Variants in PRSS12 observed in about 807,000 individuals in gnomAD.
PRSS12 encodes the protein serine protease 12.
Under a neutral mutation model 104.4 loss-of-function variants are expected in PRSS12, and 85 were observed. The observed-to-expected ratio is 0.81, with a 90% CI of 0.68 to 0.98. The LOEUF is 0.98. Ranked by LOEUF, PRSS12 falls within the 50% of genes least tolerant of loss-of-function variation. The pLI is 0.00. For missense variants in PRSS12, 1,141 were observed against 1,139.2 expected (o/e 1.00, Z -0.02); for synonymous variants, 454 against 425.2 (o/e 1.07, Z -0.83).
intron 4 of PRSS12, 139 bp downstream of exon 4, chr4:118,331,577 A>G: frequency 8.7e-7 from 1 of 1,154,158 alleles, no homozygotes; most frequent in Non-Finnish European, 1.3e-6. Context: ...GGAAGCCTAC[A>G]GCCCTACTAC....
At chr4:118,316,837 A>AAAAATATATATATAT (rs35698159) in intron 5 of PRSS12, among the ~76,000 whole-genome samples, 205 of 99,126 alleles carry the variant, frequency 2.1e-3, no homozygotes, top group Admixed American at 2.6e-3. Flanking sequence ...AAAAAAAAAA[A>AAAAATATATATATAT]ATATATATAT....
intron 1 of PRSS12, among the ~76,000 whole-genome samples, chr4:118,349,305 T>C (rs1413051977): frequency 6.6e-6 from 1 of 150,856 alleles, no homozygotes; most frequent in East Asian, 2.0e-4. Flanking sequence ...TTGGGAGGCT[T>C]AGGCAGGAGA....
intron 8 of PRSS12, among the ~76,000 whole-genome samples, chr4:118,301,554 A>G (rs540682800): frequency 2.0e-5 from 3 of 152,304 alleles, no homozygotes; most frequent in South Asian, 4.1e-4. Context: ...GATTTTTACT[A>G]GCATAGTATT....
chr4:118,316,837 A>AAAATATATAT (rs35698159), intron 5 of PRSS12, among the ~76,000 whole-genome samples: 90 of 99,170 alleles, frequency 9.1e-4, no homozygotes, highest in African/African-American at 1.9e-3. Flanking sequence ...AAAAAAAAAA[A>AAAATATATAT]ATATATATAT....
intron 12 of PRSS12, 69 bp from the exon 13 acceptor site, chr4:118,282,312 A>G: frequency 1.3e-6 from 2 of 1,571,422 alleles, no homozygotes; most frequent in South Asian, 1.1e-5. Flanking sequence ...GTTACTGAGC[A>G]TGTAATAGTT....
intron 4 of PRSS12, among the ~76,000 whole-genome samples, chr4:118,319,484 G>A (rs945821303): frequency 6.6e-6 from 1 of 152,128 alleles, no homozygotes; most frequent in African/African-American, 2.4e-5. Context: ...GGGCCATAGG[G>A]TCCCATACTA....
In PRSS12 at chr4:118,298,884, G is replaced by C; in HGVS notation, c.1686C>G (p.Ile562Met). The C allele has an allele frequency of 6.2e-7, 1 of 1,614,122 alleles. No homozygotes were observed. Among genetic ancestry groups the C allele is most frequent in the East Asian group, 2.2e-5 (1 of 44,868 alleles). ...MAYFGEGKGP[I>M]HVDNVKCTGN... ...CTGTGCACTTCACATTATCCACATG[G>C]ATGGGTCCTTTTCCTTCTCCAAAGT... is the stretch of plus-strand genomic sequence containing the variant. The change falls in exon 9 of 13, where the codon ATC becomes ATG. Residue 562 changes from isoleucine to methionine, a missense_variant. Transcript: ENST00000296498.
intron 10 of PRSS12, 121 bp from the exon 11 acceptor site, chr4:118,295,182 A>G: frequency 7.7e-7 from 1 of 1,300,622 alleles, no homozygotes; most frequent in Non-Finnish European, 1.1e-6. Flanking sequence ...AAGGAAAGCA[A>G]AAGGGACTCC....
At chr4:118,284,427 A>G (rs1177822243) in intron 11 of PRSS12, among the ~76,000 whole-genome samples, 3 of 152,144 alleles carry the variant, frequency 2.0e-5, no homozygotes, top group African/African-American at 7.2e-5. Flanking sequence ...CATTCTTAAG[A>G]CTTAATTTCC....
At chr4:118,339,273 T>C (rs1724139089) in intron 1 of PRSS12, among the ~76,000 whole-genome samples, 2 of 152,120 alleles carry the variant, frequency 1.3e-5, no homozygotes, top group African/African-American at 4.8e-5. Context: ...TAAAATCACC[T>C]ACAATGGCCT....
chr4:118,291,796 A>G lies in PRSS12; in HGVS notation c.2039+3143T>C, dbSNP rs72921312. ...GACTGAATTAATTTCATGGGCAACC[A>G]TATTGTATTGCTGAGTCTTATTAAA... On this transcript the variant is annotated intron_variant, in intron 11 of 12. Transcript: ENST00000296498. 8.1e-3 allele frequency among the ~76,000 whole-genome samples: 1,232 copies of G among 152,266 alleles called. 18 individuals carry two copies. The highest frequency in any genetic ancestry group is 0.028 in the African/African-American group (1,170 of 41,566).
chr4:118,309,291 T>C (rs1242285441), intron 7 of PRSS12, among the ~76,000 whole-genome samples: 2 of 152,208 alleles, frequency 1.3e-5, no homozygotes, highest in African/African-American at 4.8e-5. Flanking sequence ...CCAATAATTA[T>C]GATTTTGAAT....
chr4:118,290,293 C>T (rs1173281154), intron 11 of PRSS12, among the ~76,000 whole-genome samples: 1 of 152,168 alleles, frequency 6.6e-6, no homozygotes, highest in Non-Finnish European at 1.5e-5. Flanking sequence ...TCAAGTGCAA[C>T]TTTTGAGCAA....
At chr4:118,299,409 G>A (rs1170299381) in intron 8 of PRSS12, among the ~76,000 whole-genome samples, 3 of 152,130 alleles carry the variant, frequency 2.0e-5, no homozygotes, top group South Asian at 2.1e-4. Context: ...GGCCGGGCAC[G>A]TTGGCTCATG....
chr4:118,298,627 T>C (rs1347228130), intron 9 of PRSS12, 106 bp downstream of exon 9: 7 of 1,145,494 alleles, frequency 6.1e-6, no homozygotes, highest in Non-Finnish European at 9.1e-6. Context: ...CATGGATCTG[T>C]ATACGTTCTT....
chr4:118,342,981 C>T (rs1053655579), intron 1 of PRSS12, among the ~76,000 whole-genome samples: 6 of 152,178 alleles, frequency 3.9e-5, no homozygotes, highest in Non-Finnish European at 7.3e-5. Flanking sequence ...GACAGGCATT[C>T]AAGAAGAGTT....
intron 11 of PRSS12, among the ~76,000 whole-genome samples, chr4:118,290,195 A>G (rs190642146): frequency 5.3e-5 from 8 of 152,306 alleles, no homozygotes; most frequent in Admixed American, 5.2e-4. Flanking sequence ...CAAAGGAGAA[A>G]TAATGACATG....
chr4:118,330,026 A>G (rs1206956367), intron 4 of PRSS12, among the ~76,000 whole-genome samples: 6 of 152,204 alleles, frequency 3.9e-5, no homozygotes, highest in Non-Finnish European at 8.8e-5. Context: ...CCATATTCCT[A>G]ACCAACCCAA....
chr4:118,313,767 C>G (rs1490731657), intron 6 of PRSS12, among the ~76,000 whole-genome samples: 1 of 152,076 alleles, frequency 6.6e-6, no homozygotes, highest in East Asian at 1.9e-4. Flanking sequence ...TCTGATGCTC[C>G]CTCTGAACTC....
Sources: gnomAD v4.1 joint callset for allele counts (sites outside exome capture counted in the v4.1 genomes callset) on GRCh38, gnomAD v4.1.1 for gene constraint, MANE v1.5 for transcripts, NCBI Gene and HGNC (gene_info 2026-07-23, HGNC 2026-07-21) for gene names.